The following PCDHGA10 variants were observed in gnomAD, a reference collection of about 807,000 sequenced individuals.
The protein encoded by PCDHGA10 is protocadherin gamma-A10.
PCDHGA10 carries 42 observed loss-of-function variants against 59.5 expected under a neutral mutation model. The ratio of observed to expected loss-of-function variants is 0.71; its 90% CI spans 0.55 to 0.91. PCDHGA10 has a LOEUF of 0.91. Among genes scored for constraint, PCDHGA10 ranks in the 40% least tolerant of loss-of-function variants. The pLI, the probability that PCDHGA10 is intolerant of heterozygous loss-of-function variation, is 0.00. For missense variants in PCDHGA10, 1,111 were observed against 1,198.2 expected (o/e 0.93, Z 1.07); for synonymous variants, 511 against 517.2 (o/e 0.99, Z 0.16).
rs1554123924 is a variant in PCDHGA10, at chr5:141,431,826, T to C, written c.2436+16215T>C. 1 of 1,614,220 alleles carries C rather than the reference T, an allele frequency of 6.2e-7. No homozygotes were observed. The highest frequency in any genetic ancestry group is 8.5e-7 in the Non-Finnish European group (1 of 1,180,050). The stretch of plus-strand genomic sequence containing the variant: ...GTCCTCACCTCTCTCGCCAGCTCGG[T>C]TCCCGAAAACTCTCCCAGAGGGACA... On this transcript the variant is annotated intron_variant, in intron 1 of 3. Coordinates refer to ENST00000398610, the MANE Select transcript of PCDHGA10 (RefSeq NM_018913.3). This position sits in a 1 kb window ranked among gnomAD's most constrained non-coding sequence, Gnocchi z 4.8.
rs2096205933 is a variant in PCDHGA10, at chr5:141,417,998, G to C, written c.2436+2387G>C. ...GGAGGAGCTGGCCAAGGGCTCGGTGGTGGGGAACCTCGCTAAGGATCTAGG... is the reference window on the plus strand; with the variant it reads ...GGAGGAGCTGGCCAAGGGCTCGGTGCTGGGGAACCTCGCTAAGGATCTAGG... On this transcript the variant is annotated intron_variant, in intron 1 of 3. Transcript: ENST00000398610. The C allele has an allele frequency of 1.9e-6, 3 of 1,613,928 alleles. No individual in the cohort carries two copies. The East Asian group carries it at 6.7e-5, about 36-fold the overall frequency.
At chr5:141,505,538 T>C in intron 3 of PCDHGA10, 57 bp downstream of exon 3, 1 of 1,610,262 alleles carries the variant, frequency 6.2e-7, no homozygotes, top group Non-Finnish European at 8.5e-7. Context: ...CTGGGGTGCA[T>C]CTCACAGCCA....
chr5:141,476,597 G>C lies in PCDHGA10; in HGVS notation c.2437-18210G>C, dbSNP rs2099394582. On this transcript the variant is annotated intron_variant, in intron 1 of 3. Coordinates refer to ENST00000398610, the MANE Select transcript of PCDHGA10 (RefSeq NM_018913.3). The surrounding 1 kb of genome is among the most constrained non-coding windows in gnomAD (Gnocchi z 7.6). ...GCGCTTTCCGCTCGAGAGCGCGCAC[G>C]ATCCCGATGTGGGAAGCAACTCTTT... The C allele has an allele frequency of 1.2e-6, 2 of 1,614,112 alleles. No individual in the cohort carries two copies. The highest frequency in any genetic ancestry group is 1.7e-6 in the Non-Finnish European group (2 of 1,180,046).
intron 1 of PCDHGA10, among the ~76,000 whole-genome samples, chr5:141,474,000 C>T (rs2099336161): frequency 6.6e-6 from 1 of 152,076 alleles, no homozygotes. Context: ...GCCCAAGGAG[C>T]TGGAAGTTAC....
At chr5:141,450,772 C>T (rs544188262) in intron 1 of PCDHGA10, among the ~76,000 whole-genome samples, 1 of 151,944 alleles carries the variant, frequency 6.6e-6, no homozygotes, top group African/African-American at 2.4e-5. Flanking sequence ...CAGGCATGAG[C>T]CACCGTGCCC....
chr5:141,432,934 G>GC lies in PCDHGA10; in HGVS notation c.2436+17324dup. On this transcript the variant is annotated intron_variant, in intron 1 of 3. Transcript: ENST00000398610. The surrounding 1 kb of genome is among the most constrained non-coding windows in gnomAD (Gnocchi z 6.0). ...GGCGCTGGCACAAGTCACGCCTGCT[G>GC]CAGGCTTCAGGAGGCGGCTTGACAG... The GC allele has an allele frequency of 6.2e-7, 1 of 1,614,196 alleles. No individual in the cohort carries two copies. Among genetic ancestry groups the GC allele is most frequent in the Non-Finnish European group, 8.5e-7 (1 of 1,180,040 alleles).
chr5:141,458,513 GT>G (rs537551567), intron 1 of PCDHGA10, among the ~76,000 whole-genome samples: 34 of 146,056 alleles, frequency 2.3e-4, no homozygotes, highest in South Asian at 6.5e-4. Flanking sequence ...TTGACACTTT[GT>G]TTTTTTTTTT....
At chr5:141,503,981 C>T (rs774655880) in intron 2 of PCDHGA10, among the ~76,000 whole-genome samples, 4 of 152,300 alleles carry the variant, frequency 2.6e-5, no homozygotes, top group East Asian at 1.9e-4. Flanking sequence ...CCAAACCCTT[C>T]TTCTTACCTT....
At chr5:141,478,545 A>C in intron 1 of PCDHGA10, 1 of 1,605,606 alleles carries the variant, frequency 6.2e-7, no homozygotes, top group Non-Finnish European at 8.5e-7. Flanking sequence ...CCTCCCGGAC[A>C]GGTAAGGTTT....
rs1376069004 is a variant in PCDHGA10 at position 141,457,869 on chromosome 5, G to T, written c.2437-36938G>T. On this transcript the variant is annotated intron_variant, in intron 1 of 3. Transcript: ENST00000398610. ...AAGTGACATTCTTCACTGACCACAG[G>T]TTAGGAACCCTGTGTGGGGACTGTG... 2.0e-5 allele frequency among the ~76,000 whole-genome samples: 3 copies of T among 152,334 alleles called. No individual in the cohort carries two copies. The East Asian group carries it at 5.8e-4, about 29-fold the overall frequency.
In PCDHGA10 at chr5:141,476,707, G is replaced by A. The variant is rs1309848893; in HGVS notation, c.2437-18100G>A. 6.2e-7 allele frequency: 1 copy of A among 1,614,206 alleles called. No individual in the cohort carries two copies. The highest frequency in any genetic ancestry group is 1.7e-5 in the Admixed American group (1 of 60,032). On this transcript the variant is annotated intron_variant, in intron 1 of 3. Coordinates refer to ENST00000398610, the MANE Select transcript of PCDHGA10 (RefSeq NM_018913.3). This position sits in a 1 kb window ranked among gnomAD's most constrained non-coding sequence, Gnocchi z 7.6. ...ACAGCACCAAGTACGCGGAGCTGGT[G>A]TTGGAGCGCGCCCTGGACCGAGAAC...
chr5:141,458,624 C>G (rs1382508302), intron 1 of PCDHGA10, among the ~76,000 whole-genome samples: 1 of 152,082 alleles, frequency 6.6e-6, no homozygotes, highest in East Asian at 1.9e-4. Context: ...GGCTGGAGTG[C>G]AGTGGCACAA....
rs1442366960 is a variant in PCDHGA10, at chr5:141,414,097, T to C, written c.922T>C (p.Ser308Pro). The C allele has an allele frequency of 6.3e-7, 1 of 1,594,352 alleles. No individual in the cohort carries two copies. The highest frequency in any genetic ancestry group is 1.1e-5 in the South Asian group (1 of 88,678). ...LNKYTGEIKI[S>P]ENLDYEETGF... is the part of the protein sequence containing the mutation. The stretch of plus-strand genomic sequence containing the variant: ...CAAATATACTGGAGAAATAAAAATA[T>C]CAGAAAATCTAGATTATGAAGAAAC... Residue 308 changes from serine to proline, a missense_variant, in exon 1 of 4, where the codon TCA becomes CCA. Transcript: ENST00000398610.
intron 2 of PCDHGA10, among the ~76,000 whole-genome samples, chr5:141,503,010 A>ATT (rs199924715): frequency 4.8e-5 from 7 of 146,772 alleles, no homozygotes; most frequent in East Asian, 2.0e-4. Context: ...TGCCCGGTTA[A>ATT]TTTTTTTTTT....
intron 1 of PCDHGA10, chr5:141,416,827 T>A (rs981344540): frequency 1.2e-4 from 18 of 152,268 alleles, no homozygotes; most frequent in African/African-American, 3.9e-4. Context: ...CCGAAGTTTC[T>A]CAAGACCCTT....
chr5:141,486,505 T>C lies in PCDHGA10; in HGVS notation c.2437-8302T>C. The C allele has an allele frequency of 6.2e-7, 1 of 1,614,156 alleles. No individual in the cohort carries two copies. ...GTACCCACAGAACTATTTTCCTCAA[T>C]ATTTCAGATGTGAATGATAATCCAC... is the stretch of plus-strand genomic sequence containing the variant. On this transcript the variant is annotated intron_variant, in intron 1 of 3. Coordinates refer to ENST00000398610, the MANE Select transcript of PCDHGA10 (RefSeq NM_018913.3). The surrounding 1 kb of genome is among the most constrained non-coding windows in gnomAD (Gnocchi z 5.0).
intron 1 of PCDHGA10, chr5:141,427,812 G>T: frequency 6.6e-7 from 1 of 1,524,404 alleles, no homozygotes; most frequent in Non-Finnish European, 9.0e-7. Flanking sequence ...CGCACAGAGC[G>T]GGGTGGTGGT....
At position 141,414,180 on chromosome 5, in the gene PCDHGA10, A is replaced by G; in HGVS notation, c.1005A>G (p.Ala335=). The change falls in exon 1 of 4, where the codon GCA becomes GCG. Residue 335 remains alanine (A), a synonymous_variant. Coordinates refer to ENST00000398610, the MANE Select transcript of PCDHGA10 (RefSeq NM_018913.3). ...AEDGGAYLAT[A]KVLITVEDVN... is the part of the protein sequence containing the mutation. Reference sequence around the variant, plus strand: ...ATGGAGGAGCATATCTTGCAACTGCAAAAGTGTTGATTACAGTAGAAGATG... The same window carrying G: ...ATGGAGGAGCATATCTTGCAACTGCGAAAGTGTTGATTACAGTAGAAGATG... The G allele has an allele frequency of 1.2e-6, 2 of 1,608,986 alleles. No individual in the cohort carries two copies. Among genetic ancestry groups the G allele is most frequent in the Middle Eastern group, 1.7e-4 (1 of 6,058 alleles).
chr5:141,456,698 C>T (rs1466672057), intron 1 of PCDHGA10, among the ~76,000 whole-genome samples: 1 of 152,132 alleles, frequency 6.6e-6, no homozygotes, highest in Non-Finnish European at 1.5e-5. Flanking sequence ...GGCGTGGTGG[C>T]TCGCGCCTGT....
Sources: allele counts gnomAD v4.1 joint callset (sites outside exome capture counted in the v4.1 genomes callset), GRCh38; gene constraint gnomAD v4.1.1; non-coding constraint Gnocchi (gnomAD v3.1); transcripts MANE v1.5; gene names NCBI Gene and HGNC (gene_info 2026-07-23, HGNC 2026-07-21).